The following GULP1 variants were observed in gnomAD, a reference collection of about 807,000 sequenced individuals.
GULP1 encodes GULP PTB domain containing engulfment adaptor 1.
A neutral mutation model predicts 40.9 loss-of-function variants in GULP1; 19 were observed. The observed-to-expected ratio is 0.46, with a 90% CI of 0.32 to 0.68. The LOEUF is 0.68. Ranked by LOEUF, GULP1 falls within the 30% of genes least tolerant of loss-of-function variation. The pLI, the probability that GULP1 is intolerant of heterozygous loss-of-function variation, is 0.03. For synonymous variants in GULP1, 119 were observed against 117.6 expected, an observed-to-expected ratio of 1.01 and a Z score of -0.08; for missense variants, 312 against 362.2, an observed-to-expected ratio of 0.86 and a Z score of 1.12.
At chr2:188,551,792 A>G (rs1475922607) in intron 7 of GULP1, among the ~76,000 whole-genome samples, 1 of 151,822 alleles carries the variant, frequency 6.6e-6, no homozygotes, top group African/African-American at 2.4e-5. Flanking sequence ...ATTTCCACCA[A>G]TAGTGCATAA....
At chr2:188,308,060 C>CA (rs1360548585) in intron 1 of GULP1, among the ~76,000 whole-genome samples, 28 of 16,192 alleles carry the variant, frequency 1.7e-3, no homozygotes, top group Admixed American at 0.014. Flanking sequence ...CTTTATCTCT[C>CA]ACTCAGCTCT....
In GULP1 at chr2:188,460,423, C is replaced by CTT. The variant is rs58423265; in HGVS notation, c.-44-17224_-44-17223dup. 2.4e-3 allele frequency among the ~76,000 whole-genome samples: 342 copies of CTT among 143,674 alleles called. 1 individual carries two copies. Among genetic ancestry groups the CTT allele is most frequent in the South Asian group, 0.024 (108 of 4,592 alleles). The allele number at this position is 143,674 out of a possible 152,430, so 94.3% of individuals were successfully genotyped here. ...TTTGTGGCTATTGTAAATGGGAATT[C>CTT]TTTTTTTTTTTTTAGATTGTTTACT... On this transcript the variant is annotated intron_variant, in intron 2 of 11. Transcript: ENST00000409830.
intron 2 of GULP1, among the ~76,000 whole-genome samples, chr2:188,456,131 G>A (rs2059237995): frequency 6.6e-6 from 1 of 152,142 alleles, no homozygotes; most frequent in South Asian, 2.1e-4. Context: ...TTAAACGTTT[G>A]GAAAATTTGC....
chr2:188,298,252 A>G (rs1027707428), intron 1 of GULP1, among the ~76,000 whole-genome samples: 2 of 150,420 alleles, frequency 1.3e-5, no homozygotes, highest in African/African-American at 4.8e-5. Flanking sequence ...ACTGAACTTT[A>G]CTAGTAGTGC....
intron 2 of GULP1, among the ~76,000 whole-genome samples, chr2:188,413,915 T>C (rs1457443844): frequency 6.6e-6 from 1 of 152,096 alleles, no homozygotes; most frequent in African/African-American, 2.4e-5. Context: ...ATAAAGTTAG[T>C]GTTGCCTTGT....
At chr2:188,433,197 A>C (rs1283316712) in intron 2 of GULP1, among the ~76,000 whole-genome samples, 1 of 152,138 alleles carries the variant, frequency 6.6e-6, no homozygotes, top group Non-Finnish European at 1.5e-5. Context: ...AAATACTTGG[A>C]AGCAGAGGTG....
intron 1 of GULP1, among the ~76,000 whole-genome samples, chr2:188,375,689 CT>C (rs2048204592): frequency 1.3e-5 from 2 of 152,080 alleles, no homozygotes; most frequent in African/African-American, 4.8e-5. Flanking sequence ...TAAATATTTT[CT>C]TTAATCATCT....
chr2:188,557,494 A>T (rs1394872627), intron 7 of GULP1, among the ~76,000 whole-genome samples: 1 of 152,224 alleles, frequency 6.6e-6, no homozygotes, highest in African/African-American at 2.4e-5. Context: ...CTTTGACTCC[A>T]TGTCCCATAT....
At chr2:188,294,616 A>C (rs2034520605) in intron 1 of GULP1, among the ~76,000 whole-genome samples, 2 of 152,164 alleles carry the variant, frequency 1.3e-5, no homozygotes, top group Non-Finnish European at 2.9e-5. Flanking sequence ...AAACAAACTA[A>C]TGTGGTTTAT....
At chr2:188,386,427 C>T (rs998314663) in intron 2 of GULP1, among the ~76,000 whole-genome samples, 3 of 152,092 alleles carry the variant, frequency 2.0e-5, no homozygotes, top group Admixed American at 1.3e-4. Flanking sequence ...ACAGCCAAAC[C>T]ATATCAATTA....
chr2:188,538,581 A>T (rs1392382453), intron 6 of GULP1, among the ~76,000 whole-genome samples: 1 of 152,022 alleles, frequency 6.6e-6, no homozygotes, highest in African/African-American at 2.4e-5. Context: ...TCTTGAATGC[A>T]TTAAAAATGT....
At chr2:188,580,470 G>A (rs1315533043) in intron 9 of GULP1, among the ~76,000 whole-genome samples, 1 of 150,154 alleles carries the variant, frequency 6.7e-6, no homozygotes, top group East Asian at 2.0e-4. Flanking sequence ...GGAGAATGGC[G>A]TGAACCCGGG....
chr2:188,486,918 A>C (rs561696596), intron 4 of GULP1, among the ~76,000 whole-genome samples: 2 of 152,038 alleles, frequency 1.3e-5, no homozygotes, highest in African/African-American at 4.8e-5. Context: ...AGAGATGGGT[A>C]GCAAGGGCAA....
intron 5 of GULP1, among the ~76,000 whole-genome samples, chr2:188,528,373 C>G (rs1686709409): frequency 6.6e-6 from 1 of 152,012 alleles, no homozygotes. Context: ...AGGAGAGAGG[C>G]AGAGACTCCA....
At chr2:188,397,034 C>T (rs1160939534) in intron 2 of GULP1, among the ~76,000 whole-genome samples, 3 of 152,218 alleles carry the variant, frequency 2.0e-5, no homozygotes, top group African/African-American at 4.8e-5. Flanking sequence ...CTCCCACATT[C>T]GTAGGACTTG....
At chr2:188,538,466 T>G (rs1429526799) in intron 6 of GULP1, among the ~76,000 whole-genome samples, 1 of 152,144 alleles carries the variant, frequency 6.6e-6, no homozygotes, top group Admixed American at 6.6e-5. Flanking sequence ...TGAGATATTT[T>G]ATACATTCAA....
intron 1 of GULP1, among the ~76,000 whole-genome samples, chr2:188,330,848 G>A (rs1406435965): frequency 1.3e-5 from 2 of 152,042 alleles, no homozygotes; most frequent in Non-Finnish European, 2.9e-5. Flanking sequence ...CAGCTCCCCC[G>A]ACAATGGGTC....
At chr2:188,490,376 C>T (rs2062252636) in intron 4 of GULP1, among the ~76,000 whole-genome samples, 1 of 151,970 alleles carries the variant, frequency 6.6e-6, no homozygotes, top group Non-Finnish European at 1.5e-5. Context: ...AGATGAAAGA[C>T]CTAAAGACAA....
intron 9 of GULP1, among the ~76,000 whole-genome samples, chr2:188,583,244 A>G (rs1701676545): frequency 1.3e-5 from 2 of 152,172 alleles, no homozygotes; most frequent in Admixed American, 1.3e-4. Flanking sequence ...CAATTATTTT[A>G]GCTGAATAGC....
Sources: gnomAD v4.1 joint callset for allele counts (sites outside exome capture counted in the v4.1 genomes callset) on GRCh38, gnomAD v4.1.1 for gene constraint, MANE v1.5 for transcripts, NCBI Gene and HGNC (gene_info 2026-07-23, HGNC 2026-07-21) for gene names.